The following OSBPL9 variants were observed in gnomAD, a reference collection of about 807,000 sequenced individuals.
OSBPL9 encodes the protein oxysterol-binding protein-related protein 9.
OSBPL9 carries 40 observed loss-of-function variants against 106.6 expected under a neutral mutation model. That is an observed-to-expected ratio of 0.38 (90% CI 0.29 to 0.49). The LOEUF (loss-of-function observed/expected upper bound fraction) is 0.49, where lower values mean the gene tolerates loss of function less well. Ranked by LOEUF, OSBPL9 falls within the 20% of genes least tolerant of loss-of-function variation. The pLI, the probability that OSBPL9 is intolerant of heterozygous loss-of-function variation, is 0.97. For missense variants in OSBPL9, 609 were observed against 887.2 expected (o/e 0.69, Z 3.98); for synonymous variants, 269 against 295.4 (o/e 0.91, Z 0.92).
intron 12 of OSBPL9, among the ~76,000 whole-genome samples, chr1:51,767,458 T>C (rs543848263): frequency 1.3e-5 from 2 of 152,284 alleles, no homozygotes; most frequent in South Asian, 4.1e-4. Flanking sequence ...TTGTTGTAGA[T>C]GTATTAATAG....
At chr1:51,633,313 G>A (rs559914714) in intron 1 of OSBPL9, among the ~76,000 whole-genome samples, 1 of 151,360 alleles carries the variant, frequency 6.6e-6, no homozygotes, top group African/African-American at 2.4e-5. Flanking sequence ...GCTAACACCT[G>A]TAAACCTAGC....
At chr1:51,601,025 T>G (rs1645323461) in intron 2 of OSBPL9, among the ~76,000 whole-genome samples, 1 of 152,164 alleles carries the variant, frequency 6.6e-6, no homozygotes, top group Non-Finnish European at 1.5e-5. Context: ...GCTTTTTAAT[T>G]TTTTATTTGT....
At chr1:51,553,860 T>G in the OSBPL9 span, among the ~76,000 whole-genome samples, 1 of 152,180 alleles carries the variant, frequency 6.6e-6, no homozygotes, top group East Asian at 1.9e-4. Flanking sequence ...GTGTTTTTAA[T>G]AGAGACAGGG....
chr1:51,572,607 T>C (rs1412604432), upstream of OSBPL9, among the ~76,000 whole-genome samples: 1 of 152,162 alleles, frequency 6.6e-6, no homozygotes, highest in East Asian at 1.9e-4. Flanking sequence ...CCAGCAGTAA[T>C]GAATATAGTC....
intron 8 of OSBPL9, among the ~76,000 whole-genome samples, chr1:51,750,423 G>T (rs1261995230): frequency 6.6e-6 from 1 of 152,182 alleles, no homozygotes; most frequent in African/African-American, 2.4e-5. Flanking sequence ...ATGTTTGAAT[G>T]ACTCATCCCT....
chr1:51,734,641 A>G (rs1356430630), intron 4 of OSBPL9, among the ~76,000 whole-genome samples: 1 of 152,176 alleles, frequency 6.6e-6, no homozygotes, highest in African/African-American at 2.4e-5. Flanking sequence ...TTCTAATTCC[A>G]TTTCTACCTT....
At chr1:51,553,782 G>A in the OSBPL9 span, among the ~76,000 whole-genome samples, 4 of 151,976 alleles carry the variant, frequency 2.6e-5, no homozygotes, top group South Asian at 2.1e-4. Context: ...GTGTTCAAGC[G>A]ATTCTCCTGC....
At chr1:51,699,294 T>C (rs1656735523) in intron 3 of OSBPL9, among the ~76,000 whole-genome samples, 1 of 152,096 alleles carries the variant, frequency 6.6e-6, no homozygotes, top group South Asian at 2.1e-4. Flanking sequence ...TTAGTCTGTC[T>C]TTTTTACCTG....
intron 15 of OSBPL9, among the ~76,000 whole-genome samples, chr1:51,780,444 A>G (rs531105257): frequency 6.6e-6 from 1 of 152,370 alleles, no homozygotes; most frequent in Non-Finnish European, 1.5e-5. Context: ...ACAATTTGCA[A>G]TTGCAAAAAT....
the OSBPL9 span, among the ~76,000 whole-genome samples, chr1:51,537,508 A>C: frequency 6.6e-6 from 1 of 152,162 alleles, no homozygotes; most frequent in Non-Finnish European, 1.5e-5. Flanking sequence ...CCATTTTAGT[A>C]AACAGAGCCA....
rs563932474 is a variant in OSBPL9 at position 51,737,943 on chromosome 1, G to A, written c.319-7593G>A. Among the ~76,000 whole-genome samples the A allele has an allele frequency of 1.5e-3, 233 of 152,128 alleles. 1 individual carries two copies. The highest frequency in any genetic ancestry group is 5.2e-3 in the African/African-American group (218 of 41,540). Reference sequence around the variant, plus strand: ...GGGATACTTGAGAGTGAAGGAGGCTGCTAATAATAACTTTGCTGAGACAAC... The same window carrying A: ...GGGATACTTGAGAGTGAAGGAGGCTACTAATAATAACTTTGCTGAGACAAC... On this transcript the variant is annotated intron_variant, in intron 4 of 23. Transcript: ENST00000428468.
In OSBPL9 at chr1:51,760,724, C is replaced by T. The variant is rs138925482; in HGVS notation, c.617C>T (p.Pro206Leu). 2.4e-4 allele frequency: 380 copies of T among 1,613,842 alleles called. No homozygotes were observed. Among genetic ancestry groups the T allele is most frequent in the Non-Finnish European group, 2.9e-4 (346 of 1,179,856 alleles). ...TINPVDAIYQ[P>L]SPLEPVISTM... ...AATCCCGTAGATGCAATATATCAAC[C>T]TAGTCCTTTGGAACCTGTGATCAGC... The change falls in exon 10 of 24, where the codon CCT becomes CTT. Residue 206 changes from proline to leucine, a missense_variant. Physicochemically the swap from Pro to Leu is moderately conservative, Grantham distance 98. This residue lies in a region of OSBPL9 where 356 missense variants were observed against 505.8 expected (regional missense o/e 0.70). Coordinates refer to ENST00000428468, the MANE Select transcript of OSBPL9 (RefSeq NM_024586.6).
intron 16 of OSBPL9, 124 bp from the exon 17 acceptor site, chr1:51,782,435 A>C (rs1676598722): frequency 4.6e-6 from 3 of 648,106 alleles, no homozygotes; most frequent in South Asian, 2.5e-5. Flanking sequence ...TAAGTTCTAC[A>C]ATAGAAATAT....
rs987844065 is a variant in OSBPL9 at position 51,766,391 on chromosome 1, A to G, written c.938+410A>G. On this transcript the variant is annotated intron_variant, in intron 12 of 23. Coordinates refer to ENST00000428468, the MANE Select transcript of OSBPL9 (RefSeq NM_024586.6). ...CTATTACTTTTTTCTTTTTTTAATT[A>G]GAGTGGAAATATTCAACACCTATCA... Among the ~76,000 whole-genome samples, 25 of 152,210 alleles carry G rather than the reference A, an allele frequency of 1.6e-4. 1 individual carries two copies. The highest frequency in any genetic ancestry group is 5.9e-5 in the Non-Finnish European group (4 of 68,046).
chr1:51,533,093 C>T, the OSBPL9 span, among the ~76,000 whole-genome samples: 3 of 151,696 alleles, frequency 2.0e-5, no homozygotes, highest in African/African-American at 7.3e-5. Context: ...TGGAAGCAAC[C>T]TCTAAAAAAA....
intron 2 of OSBPL9, among the ~76,000 whole-genome samples, chr1:51,662,528 G>A (rs1193377862): frequency 6.6e-6 from 1 of 152,080 alleles, no homozygotes; most frequent in Non-Finnish European, 1.5e-5. Context: ...TCTACCCGAT[G>A]GCTGCTTTTG....
At chr1:51,615,014 C>T (rs1010861757), upstream of OSBPL9, among the ~76,000 whole-genome samples, 1 of 152,206 alleles carries the variant, frequency 6.6e-6, no homozygotes, top group African/African-American at 2.4e-5. Flanking sequence ...AATCCCAACA[C>T]TTTGGGAGGC....
intron 1 of OSBPL9, among the ~76,000 whole-genome samples, chr1:51,589,206 A>G (rs1393573353): frequency 5.3e-5 from 8 of 151,754 alleles, no homozygotes; most frequent in Admixed American, 1.3e-4. Flanking sequence ...CTCTCACTTC[A>G]GCCTCCCAAG....
the OSBPL9 span, chr1:51,561,994 G>T: frequency 6.6e-6 from 1 of 152,094 alleles, no homozygotes; most frequent in Non-Finnish European, 1.5e-5. Context: ...TACTCCCCCT[G>T]GTAATTGGGA....
Sources: gnomAD v4.1 joint callset for allele counts (sites outside exome capture counted in the v4.1 genomes callset) on GRCh38, gnomAD v4.1.1 for gene constraint, gnomAD v4.1.1 regional missense constraint, MANE v1.5 for transcripts, NCBI Gene and HGNC (gene_info 2026-07-23, HGNC 2026-07-21) for gene names.